Variants in ADAM7 observed in about 807,000 individuals in gnomAD.
The protein encoded by ADAM7 is ADAM metallopeptidase domain 7, also known as disintegrin and metalloproteinase domain-containing protein 7.
A neutral mutation model predicts 102.9 loss-of-function variants in ADAM7; 97 were observed. The observed-to-expected ratio is 0.94, with a 90% CI of 0.80 to 1.12. The LOEUF (loss-of-function observed/expected upper bound fraction) is 1.12, where lower values mean the gene tolerates loss of function less well. ADAM7 is among the 50% of genes most tolerant of loss of function. The pLI is 0.00. For missense variants in ADAM7, 991 were observed against 908.7 expected, an observed-to-expected ratio of 1.09 and a Z score of -1.16; for synonymous variants, 334 against 304.4, an observed-to-expected ratio of 1.10 and a Z score of -1.01.
intron 3 of ADAM7, among the ~76,000 whole-genome samples, chr8:24,460,386 G>A (rs11997331): frequency 0.065 from 9,930 of 151,770 alleles, 492 homozygotes; most frequent in African/African-American, 0.13. Flanking sequence ...TAATGTTACC[G>A]TTCCTATTAA....
intron 3 of ADAM7, among the ~76,000 whole-genome samples, chr8:24,457,571 A>C (rs1469812320): frequency 1.3e-5 from 2 of 152,098 alleles, no homozygotes; most frequent in Non-Finnish European, 2.9e-5. Flanking sequence ...CCACTGTATA[A>C]TTTGGAGACC....
rs927599830 is a variant in ADAM7 at position 24,447,668 on chromosome 8, G to A, written c.233+406G>A. On this transcript the variant is annotated intron_variant, in intron 3 of 21. Transcript: ENST00000175238. ...TGCAGAGTAAACTAAGAAATGTAGC[G>A]CATTTGCTTCGTCAAGACATCTTGT... Among the ~76,000 whole-genome samples, 3 of 152,074 alleles carry A rather than the reference G, an allele frequency of 2.0e-5. No homozygotes were observed. The East Asian group carries it at 5.8e-4, about 29-fold the overall frequency.
chr8:24,499,397 T>A (rs1421617863), intron 17 of ADAM7, 81 bp downstream of exon 17: 7 of 1,018,238 alleles, frequency 6.9e-6, no homozygotes, highest in Non-Finnish European at 9.9e-6. Flanking sequence ...TGCATGTATA[T>A]GTATGTATAT....
At chr8:24,471,465 G>GTT (rs35486240) in intron 7 of ADAM7, among the ~76,000 whole-genome samples, 26,888 of 146,390 alleles carry the variant, frequency 0.18, 3,415 homozygotes, top group African/African-American at 0.36. Flanking sequence ...AGTGTACCAG[G>GTT]TTTTTTTTTT....
At chr8:24,508,462 A>G in intron 21 of ADAM7, 84 bp from the exon 22 acceptor site, 4 of 1,353,360 alleles carry the variant, frequency 3.0e-6, no homozygotes, top group Non-Finnish European at 4.2e-6. Flanking sequence ...TATTCTAATT[A>G]GTAGATATAA....
Position 24,500,158 on chromosome 8 carries a change from A to G in ADAM7, c.1924-20A>G, listed in dbSNP as rs568099910. 59 of 1,600,206 alleles carry G rather than the reference A, an allele frequency of 3.7e-5. 1 individual carries two copies. In the South Asian group the frequency reaches 6.5e-4, roughly 18 times the overall value. On this transcript the variant is annotated intron_variant, in intron 17 of 21. Coordinates refer to ENST00000175238, the MANE Select transcript of ADAM7 (RefSeq NM_003817.4). ...ACTTATATCAGTCATTTGAGAATAT[A>G]TCATTGACTGCTCTTCCAGGTGGAT...
intron 20 of ADAM7, among the ~76,000 whole-genome samples, chr8:24,503,869 C>T (rs889855699): frequency 6.6e-6 from 1 of 151,754 alleles, no homozygotes; most frequent in African/African-American, 2.4e-5. Flanking sequence ...CACACTGAGG[C>T]CTGTCGGGGG....
chr8:24,442,506 T>C lies in ADAM7; in HGVS notation c.86T>C (p.Leu29Pro). 7 of 1,614,126 alleles carry C rather than the reference T, an allele frequency of 4.3e-6. No individual in the cohort carries two copies. The highest frequency in any genetic ancestry group is 2.7e-5 in the African/African-American group (2 of 75,052). Residue 29 changes from leucine to proline, a missense_variant, in exon 2 of 22, where the codon CTG becomes CCG. By Grantham distance (98) the Leu-to-Pro change is moderately conservative. Transcript: ENST00000175238. ...KFILGVEGQQ[L>P]VRPKKLPLIQ... ...ATCCTTGGAGTAGAGGGTCAACAAC[T>C]GGTTCGTCCTAAAAAGCTTCCTCTG...
At chr8:24,455,968 T>G (rs1819016946) in intron 3 of ADAM7, among the ~76,000 whole-genome samples, 2 of 152,208 alleles carry the variant, frequency 1.3e-5, no homozygotes, top group South Asian at 2.1e-4. Flanking sequence ...TATTTTTTTT[T>G]TTGTGGTGCA....
At chr8:24,442,047 A>G (rs898809857) in intron 1 of ADAM7, among the ~76,000 whole-genome samples, 1 of 152,140 alleles carries the variant, frequency 6.6e-6, no homozygotes, top group South Asian at 2.1e-4. Flanking sequence ...GGTGGTGTGC[A>G]CTTGTAATCC....
At chr8:24,441,587 C>T (rs964170730) in intron 1 of ADAM7, among the ~76,000 whole-genome samples, 5 of 152,168 alleles carry the variant, frequency 3.3e-5, no homozygotes. Flanking sequence ...ATTCCAGAAA[C>T]CCCATGCCCT....
chr8:24,498,630 A>G (rs13250807), intron 16 of ADAM7, among the ~76,000 whole-genome samples: 1 of 151,604 alleles, frequency 6.6e-6, no homozygotes, highest in Non-Finnish European at 1.5e-5. Flanking sequence ...TAATCTTTGA[A>G]CTGGTGGCAA....
chr8:24,484,671 T>C (rs1585902403), intron 9 of ADAM7, among the ~76,000 whole-genome samples: 1 of 152,272 alleles, frequency 6.6e-6, no homozygotes, highest in Admixed American at 6.6e-5. Flanking sequence ...TCTGGTCTTG[T>C]AAGTGGTTTT....
chr8:24,469,918 GAAATAA>G (rs1407857519), intron 7 of ADAM7, among the ~76,000 whole-genome samples: 1 of 151,988 alleles, frequency 6.6e-6, no homozygotes, highest in Non-Finnish European at 1.5e-5. Flanking sequence ...TTTCTCCAGA[GAAATAA>G]AAAGTTGGAA....
intron 8 of ADAM7, among the ~76,000 whole-genome samples, 179 bp from the exon 9 acceptor site, chr8:24,481,963 G>T (rs1009657062): frequency 1.3e-5 from 2 of 152,046 alleles, no homozygotes; most frequent in Admixed American, 1.3e-4. Context: ...CAGGTATTCT[G>T]GGCAATGCAT....
Position 24,441,036 on chromosome 8 carries a change from T to G in ADAM7, c.-73T>G. The G allele has an allele frequency of 1.4e-6, 2 of 1,404,330 alleles. No individual in the cohort carries two copies. The highest frequency in any genetic ancestry group is 1.0e-6 in the Non-Finnish European group (1 of 990,530). 87.0% of individuals were successfully genotyped at this position (1,404,330 alleles called of 1,614,324 possible). On this transcript the variant is annotated 5_prime_UTR_variant, in exon 1 of 22. Transcript: ENST00000175238. ...TCTGTGAGGTGCTTCATCCCTGCAGTGGAAGTGAGGAGGAAGAAAGGTGAA... is the reference window on the plus strand; with the variant it reads ...TCTGTGAGGTGCTTCATCCCTGCAGGGGAAGTGAGGAGGAAGAAAGGTGAA...
At chr8:24,476,759 A>G (rs1268909565) in intron 8 of ADAM7, among the ~76,000 whole-genome samples, 2 of 152,192 alleles carry the variant, frequency 1.3e-5, no homozygotes, top group East Asian at 3.8e-4. Context: ...TTATGAACCA[A>G]TGTACAAAGA....
chr8:24,481,498 C>T (rs1819950438), intron 8 of ADAM7, among the ~76,000 whole-genome samples: 1 of 152,044 alleles, frequency 6.6e-6, no homozygotes, highest in Non-Finnish European at 1.5e-5. Context: ...TCTCAAAATT[C>T]CCATAATAAC....
chr8:24,487,163 C>A (rs768497192), intron 10 of ADAM7, 24 bp from the exon 11 acceptor site: 2 of 1,610,048 alleles, frequency 1.2e-6, no homozygotes, highest in Non-Finnish European at 1.7e-6. Flanking sequence ...TTGAAAATTT[C>A]TAATGCAATT....
Sources: allele counts gnomAD v4.1 joint callset (sites outside exome capture counted in the v4.1 genomes callset), GRCh38; gene constraint gnomAD v4.1.1; transcripts MANE v1.5; gene names NCBI Gene and HGNC (gene_info 2026-07-23, HGNC 2026-07-21).